The following STAB2 variants were observed in gnomAD, a reference collection of about 807,000 sequenced individuals.
STAB2 encodes the protein stabilin 2.
STAB2 carries 288 observed loss-of-function variants against 338.1 expected under a neutral mutation model. The observed-to-expected ratio is 0.85, with a 90% CI of 0.77 to 0.94. The LOEUF (loss-of-function observed/expected upper bound fraction) is 0.94, where lower values mean the gene tolerates loss of function less well. Among genes scored for constraint, STAB2 ranks in the 40% least tolerant of loss-of-function variants. The probability of loss-of-function intolerance (pLI) is 0.00; values close to 1 mark genes in which losing one functional copy is unlikely to be tolerated. For missense variants in STAB2, 3,141 were observed against 3,210.1 expected, an observed-to-expected ratio of 0.98 and a Z score of 0.52; for synonymous variants, 1,202 against 1,193.3, an observed-to-expected ratio of 1.01 and a Z score of -0.15.
At chr12:103,717,392 G>A (rs540205024) in intron 43 of STAB2, among the ~76,000 whole-genome samples, 4 of 152,186 alleles carry the variant, frequency 2.6e-5, no homozygotes, top group Admixed American at 2.6e-4. Context: ...GGGCGCAGAT[G>A]AGCAAGATAT....
chr12:103,638,302 A>G, intron 8 of STAB2, 90 bp downstream of exon 8: 1 of 1,387,550 alleles, frequency 7.2e-7, no homozygotes, highest in Non-Finnish European at 9.8e-7. Flanking sequence ...TGCCATCCCA[A>G]TTCTCCCTTT....
intron 3 of STAB2, 119 bp downstream of exon 3, chr12:103,594,629 T>G: frequency 3.8e-6 from 3 of 788,934 alleles, no homozygotes; most frequent in African/African-American, 1.7e-5. Flanking sequence ...TAGAAATTTC[T>G]GTGTTAGTCT....
At chr12:103,675,259 T>TAA (rs1876228818) in intron 23 of STAB2, among the ~76,000 whole-genome samples, 2 of 152,174 alleles carry the variant, frequency 1.3e-5, no homozygotes, top group African/African-American at 4.8e-5. Flanking sequence ...GGGCCACCTT[T>TAA]AATAGTAAAA....
chr12:103,655,475 C>A lies in STAB2; in HGVS notation c.1628C>A (p.Ala543Asp), dbSNP rs1179150168. ...ATGCAGGAAACCAATTTGGGACATG[C>A]CTTAGATGAGGATGGAGTTGGTGGA... The part of the protein sequence containing the change: ...SLLEETNLGH[A>D]LDEDGVGGPY... Residue 543 changes from alanine (A) to aspartate (D), a missense_variant, in exon 15 of 69, where the codon GCC (alanine) becomes GAC (aspartate). Ala to Asp is a moderately radical substitution (Grantham distance 126). Transcript: ENST00000388887. 1 of 1,614,030 alleles carries A rather than the reference C, an allele frequency of 6.2e-7. No homozygotes were observed. Among genetic ancestry groups the A allele is most frequent in the Non-Finnish European group, 8.5e-7 (1 of 1,180,014 alleles).
At chr12:103,606,335 T>C (rs1194053605) in intron 3 of STAB2, among the ~76,000 whole-genome samples, 4 of 152,190 alleles carry the variant, frequency 2.6e-5, no homozygotes, top group African/African-American at 9.6e-5. Flanking sequence ...AAGCCCCACA[T>C]TATATTGTTA....
chr12:103,689,007 T>C (rs1369210510), intron 28 of STAB2, among the ~76,000 whole-genome samples: 2 of 89,080 alleles, frequency 2.2e-5, no homozygotes, highest in Non-Finnish European at 4.7e-5. Context: ...ACCAAGTCTT[T>C]TGGTTTTTTT....
At chr12:103,610,862 T>A (rs1361808922) in intron 3 of STAB2, among the ~76,000 whole-genome samples, 1 of 152,228 alleles carries the variant, frequency 6.6e-6, no homozygotes, top group South Asian at 2.1e-4. Context: ...GCTTTAAATG[T>A]GTCCCAGAGA....
chr12:103,622,032 T>A lies in STAB2; in HGVS notation c.418-10T>A. 1 of 1,613,972 alleles carries A rather than the reference T, an allele frequency of 6.2e-7. No homozygotes were observed. The highest frequency in any genetic ancestry group is 8.5e-7 in the Non-Finnish European group (1 of 1,179,960). ...TGGGTCTAATGTCAACCACCTGGGG[T>A]GTTTTGCAGGAAGGGTTTGGTGGAA... On this transcript the variant is annotated splice_polypyrimidine_tract_variant and intron_variant, in intron 4 of 68. Coordinates refer to ENST00000388887, the MANE Select transcript of STAB2 (RefSeq NM_017564.10).
intron 43 of STAB2, among the ~76,000 whole-genome samples, chr12:103,717,475 A>C (rs926334560): frequency 6.6e-6 from 1 of 152,210 alleles, no homozygotes; most frequent in African/African-American, 2.4e-5. Flanking sequence ...AAAGAGGTGA[A>C]TACCTGAAGG....
chr12:103,598,023 T>G (rs769900301), intron 3 of STAB2, among the ~76,000 whole-genome samples: 1 of 152,236 alleles, frequency 6.6e-6, no homozygotes, highest in Non-Finnish European at 1.5e-5. Context: ...TGCATTTTTC[T>G]TGCCATTCAC....
chr12:103,637,218 G>A lies in STAB2; in HGVS notation c.691G>A (p.Asp231Asn), dbSNP rs371942484. The change falls in exon 7 of 69, where the codon GAT becomes AAT. Residue 231 changes from aspartate to asparagine, a missense_variant. Asp to Asn is a conservative substitution (Grantham distance 23, BLOSUM62 1). Transcript: ENST00000388887. ...CAAATGCCTTCCCAATTACCGAGGC[G>A]ATGGCAAATACTGCGACCGTGAGTA... ...ECKCLPNYRG[D>N]GKYCDPINPC... 2.9e-5 allele frequency: 46 copies of A among 1,611,582 alleles called. 1 individual carries two copies. The highest frequency in any genetic ancestry group is 2.6e-4 in the South Asian group (24 of 90,638).
chr12:103,722,910 G>A (rs772368746), intron 44 of STAB2, among the ~76,000 whole-genome samples: 11 of 152,300 alleles, frequency 7.2e-5, no homozygotes, highest in Admixed American at 1.3e-4. Flanking sequence ...TCAGATAGAA[G>A]CAGACGTAGT....
rs764696672 is a variant in STAB2, at chr12:103,761,302, G to T, written c.7251G>T (p.Thr2417=). Residue 2417 remains threonine (T), a splice_region_variant and synonymous_variant, in exon 66 of 69, where the codon ACG becomes ACT. Coordinates refer to ENST00000388887, the MANE Select transcript of STAB2 (RefSeq NM_017564.10). ...CAACCCTCTTCTCATTTCCCTAGACGGAGACCAGGTTTGTTGATGGAAGAG... is the reference window on the plus strand; with the variant it reads ...CAACCCTCTTCTCATTTCCCTAGACTGAGACCAGGTTTGTTGATGGAAGAG... ...ITASQDPLQP[T]ETRFVDGRAI... is the part of the protein sequence containing the mutation. The T allele has an allele frequency of 6.2e-7, 1 of 1,613,860 alleles. No individual in the cohort carries two copies.
At chr12:103,615,551 G>A (rs1957196962) in intron 3 of STAB2, among the ~76,000 whole-genome samples, 1 of 152,126 alleles carries the variant, frequency 6.6e-6, no homozygotes, top group African/African-American at 2.4e-5. Flanking sequence ...AAAAATAGTA[G>A]ATTTCAAGGT....
At chr12:103,738,390 A>G (rs773796435) in intron 53 of STAB2, among the ~76,000 whole-genome samples, 2 of 152,186 alleles carry the variant, frequency 1.3e-5, no homozygotes, top group African/African-American at 2.4e-5. Context: ...CATTGTGTTC[A>G]ATGCTTAGCT....
In STAB2 at chr12:103,737,741, G is replaced by A. The variant is rs765937109; in HGVS notation, c.5658G>A (p.Leu1886=). The change falls in exon 53 of 69, where the codon CTG becomes CTA. Residue 1886 remains leucine (L), a synonymous_variant. Transcript: ENST00000388887. The stretch of plus-strand genomic sequence containing the variant: ...ACTGTCTGCTGATTGATCCCACCCT[G>A]GGGGGCCGCTGTGACACCTTTACTA... ...GIDCLLIDPT[L]GGRCDTFTTF... 1 of 1,613,760 alleles carries A rather than the reference G, an allele frequency of 6.2e-7. No individual in the cohort carries two copies. The highest frequency in any genetic ancestry group is 1.1e-5 in the South Asian group (1 of 91,052).
Position 103,650,530 on chromosome 12 carries a change from A to G in STAB2, c.1209A>G (p.Gly403=). The G allele has an allele frequency of 6.2e-7, 1 of 1,613,178 alleles. No homozygotes were observed. Among genetic ancestry groups the G allele is most frequent in the Non-Finnish European group, 8.5e-7 (1 of 1,179,358 alleles). ...ATGCCTGGCCACTGAGTAAGCTGGGACCCTTCACGGTGCTGTTACCTACAG... is the reference window on the plus strand; with the variant it reads ...ATGCCTGGCCACTGAGTAAGCTGGGGCCCTTCACGGTGCTGTTACCTACAG... The part of the protein sequence containing the change: ...KAYAWPLSKL[G]PFTVLLPTDK... Residue 403 remains glycine (G), a synonymous_variant, in exon 11 of 69, where the codon GGA becomes GGG. Coordinates refer to ENST00000388887, the MANE Select transcript of STAB2 (RefSeq NM_017564.10).
chr12:103,672,590 C>T (rs915930148), intron 22 of STAB2, among the ~76,000 whole-genome samples: 1 of 152,186 alleles, frequency 6.6e-6, no homozygotes, highest in Non-Finnish European at 1.5e-5. Context: ...GCTCCAAGCA[C>T]CCACACGAAT....
chr12:103,758,710 G>A (rs1339720143), intron 64 of STAB2, among the ~76,000 whole-genome samples: 1 of 152,214 alleles, frequency 6.6e-6, no homozygotes, highest in Admixed American at 6.5e-5. Context: ...TGCAGGGAGT[G>A]GGGAAGAACC....
Sources: allele counts gnomAD v4.1 joint callset (sites outside exome capture counted in the v4.1 genomes callset), GRCh38; gene constraint gnomAD v4.1.1; transcripts MANE v1.5; gene names NCBI Gene and HGNC (gene_info 2026-07-23, HGNC 2026-07-21).